Variants in KLHL3 observed in about 807,000 individuals in gnomAD.
The protein encoded by KLHL3 is kelch-like protein 3.
In KLHL3, 19 loss-of-function variants were observed where a neutral mutation model predicts 70.5. The ratio of observed to expected loss-of-function variants is 0.27; its 90% CI spans 0.19 to 0.40. KLHL3 has a LOEUF of 0.40. Ranked by LOEUF, KLHL3 falls within the 10% of genes least tolerant of loss-of-function variation. The pLI is 1.00. For missense variants in KLHL3, 512 were observed against 771.1 expected (o/e 0.66, Z 3.98); for synonymous variants, 258 against 290.3 (o/e 0.89, Z 1.13).
chr5:137,639,166 C>A lies in KLHL3; in HGVS notation c.1022-16G>T, dbSNP rs891203033. 7.4e-6 allele frequency: 12 copies of A among 1,612,544 alleles called. No individual in the cohort carries two copies. Among genetic ancestry groups the A allele is most frequent in the Non-Finnish European group, 9.3e-6 (11 of 1,179,156 alleles). ...AACACCACACCTGAGGCACAGGAAACCAAGACATCAAGGTCAGGTCAGGCG... is the reference window on the plus strand; with the variant it reads ...AACACCACACCTGAGGCACAGGAAAACAAGACATCAAGGTCAGGTCAGGCG... On this transcript the variant is annotated splice_polypyrimidine_tract_variant and intron_variant, in intron 9 of 14. Transcript: ENST00000309755. This position sits in a 1 kb window ranked among gnomAD's most constrained non-coding sequence, Gnocchi z 5.0.
In KLHL3 at chr5:137,639,195, G is replaced by A. The variant is rs1750847359; in HGVS notation, c.1022-45C>T. 2.5e-6 allele frequency: 4 copies of A among 1,578,356 alleles called. No homozygotes were observed. Among genetic ancestry groups the A allele is most frequent in the Non-Finnish European group, 2.6e-6 (3 of 1,153,622 alleles). On this transcript the variant is annotated intron_variant, in intron 9 of 14. Coordinates refer to ENST00000309755, the MANE Select transcript of KLHL3 (RefSeq NM_017415.3). This position sits in a 1 kb window ranked among gnomAD's most constrained non-coding sequence, Gnocchi z 5.0. ...GACATCAAGGTCAGGTCAGGCGCAT[G>A]ACTGCTCATGTTGATGGATGGCAAT... is the stretch of plus-strand genomic sequence containing the variant.
chr5:137,674,518 C>T (rs541152224), intron 6 of KLHL3, among the ~76,000 whole-genome samples: 3 of 152,196 alleles, frequency 2.0e-5, no homozygotes, highest in East Asian at 3.9e-4. Context: ...TATTTTAAGG[C>T]GTATGTGTTT....
At chr5:137,669,964 G>A (rs1466988848) in intron 6 of KLHL3, among the ~76,000 whole-genome samples, 2 of 152,128 alleles carry the variant, frequency 1.3e-5, no homozygotes, top group African/African-American at 4.8e-5. Context: ...TAGGCCACAG[G>A]CTCCTGTGGA....
intron 8 of KLHL3, among the ~76,000 whole-genome samples, chr5:137,653,966 A>G (rs1751275553): frequency 6.6e-6 from 1 of 152,238 alleles, no homozygotes; most frequent in East Asian, 1.9e-4. Flanking sequence ...TCTCAAATGC[A>G]TTATGGTAAG....
At position 137,637,303 on chromosome 5, in the gene KLHL3, C is replaced by T. The variant is rs907779058; in HGVS notation, c.1312G>A (p.Val438Ile). The change falls in exon 11 of 15, where the codon GTT (valine) becomes ATT (isoleucine). Residue 438 changes from valine (V) to isoleucine (I), a missense_variant. By Grantham distance (29) the Val-to-Ile change is conservative. Coordinates refer to ENST00000309755, the MANE Select transcript of KLHL3 (RefSeq NM_017415.3). The stretch of plus-strand genomic sequence containing the variant: ...ACTGCCGCCTCCTTACCCTCCACAA[C>T]GCCCACACCCACACTGCTCCGCCGC... ...NTRRSSVGVG[V>I]VEGKLYAVGG... 1.9e-5 allele frequency: 30 copies of T among 1,613,934 alleles called. No individual in the cohort carries two copies. Among genetic ancestry groups the T allele is most frequent in the African/African-American group, 6.7e-5 (5 of 74,940 alleles).
At chr5:137,727,947 A>G (rs1013596991) in intron 1 of KLHL3, among the ~76,000 whole-genome samples, 2 of 152,180 alleles carry the variant, frequency 1.3e-5, no homozygotes, top group African/African-American at 4.8e-5. Flanking sequence ...AGCTACCAAC[A>G]TGATGCCACC....
At position 137,620,568 on chromosome 5, in the gene KLHL3, C is replaced by T. The variant is rs1056893097; in HGVS notation, c.*1530G>A. 3.3e-5 allele frequency: 5 copies of T among 152,214 alleles called. No homozygotes were observed. Among genetic ancestry groups the T allele is most frequent in the Non-Finnish European group, 7.3e-5 (5 of 68,048 alleles). 9.4% of individuals were successfully genotyped at this position (152,214 alleles called of 1,614,324 possible). On this transcript the variant is annotated 3_prime_UTR_variant, in exon 15 of 15. Coordinates refer to ENST00000309755, the MANE Select transcript of KLHL3 (RefSeq NM_017415.3). ...ACTATTCTCCAGACACAAGACTTCC[C>T]CTGCTTATGCCAGAAATTTCAGCAT...
chr5:137,631,162 C>T (rs900025748), intron 12 of KLHL3, among the ~76,000 whole-genome samples: 12 of 151,910 alleles, frequency 7.9e-5, no homozygotes, highest in African/African-American at 1.7e-4. Flanking sequence ...ACAGTCTTCC[C>T]GCCAGGATCA....
In KLHL3 at chr5:137,634,090, G is replaced by A. The variant is rs775686735; in HGVS notation, c.1397C>T (p.Ala466Val). ...CLSTVEQYNP[A>V]TNEWIYVADM... Reference sequence around the variant, plus strand: ...CGCCACGTATATCCATTCATTGGTCGCTGGGTTGTACTGCTCCACAGTGCT... The same window carrying A: ...CGCCACGTATATCCATTCATTGGTCACTGGGTTGTACTGCTCCACAGTGCT... Residue 466 changes from alanine to valine, a missense_variant, in exon 12 of 15, where the codon GCG becomes GTG. Ala to Val is a moderately conservative substitution (Grantham distance 64). Coordinates refer to ENST00000309755, the MANE Select transcript of KLHL3 (RefSeq NM_017415.3). 15 of 1,614,150 alleles carry A rather than the reference G, an allele frequency of 9.3e-6. No individual in the cohort carries two copies. The highest frequency in any genetic ancestry group is 1.7e-4 in the Middle Eastern group (1 of 6,038).
intron 6 of KLHL3, among the ~76,000 whole-genome samples, chr5:137,665,869 G>GAAGGGA (rs1751602441): frequency 6.6e-6 from 1 of 152,144 alleles, no homozygotes; most frequent in Non-Finnish European, 1.5e-5. Context: ...GGGGAAAGGG[G>GAAGGGA]AAGGGAAAGG....
intron 12 of KLHL3, 124 bp downstream of exon 12, chr5:137,633,913 T>C (rs1750704040): frequency 1.6e-6 from 2 of 1,257,324 alleles, no homozygotes; most frequent in Non-Finnish European, 2.3e-6. Flanking sequence ...ACTCGACCAT[T>C]ATGCAATATA....
chr5:137,729,143 T>C (rs752383695), intron 1 of KLHL3, among the ~76,000 whole-genome samples: 1 of 152,020 alleles, frequency 6.6e-6, no homozygotes, highest in Non-Finnish European at 1.5e-5. Flanking sequence ...AATTCAGAAG[T>C]CATGAGCTGA....
At chr5:137,676,755 A>G (rs575557226) in intron 6 of KLHL3, among the ~76,000 whole-genome samples, 10 of 152,312 alleles carry the variant, frequency 6.6e-5, no homozygotes, top group Non-Finnish European at 1.2e-4. Context: ...TCACATAACT[A>G]ATTTGTAAAT....
intron 14 of KLHL3, among the ~76,000 whole-genome samples, chr5:137,624,369 C>A (rs535049415): frequency 6.6e-6 from 1 of 152,292 alleles, no homozygotes; most frequent in South Asian, 2.1e-4. Context: ...CTCATTAAGG[C>A]ACACATGGAG....
intron 5 of KLHL3, among the ~76,000 whole-genome samples, chr5:137,684,494 C>T (rs907776661): frequency 3.9e-5 from 6 of 152,182 alleles, no homozygotes; most frequent in African/African-American, 1.2e-4. Context: ...TCCATAAGCA[C>T]GTGAAATCCA....
In KLHL3 at chr5:137,628,340, G is replaced by C; in HGVS notation, c.1548C>G (p.Thr516=). The change falls in exon 13 of 15, where the codon ACC becomes ACG. Residue 516 remains threonine, a synonymous_variant. Transcript: ENST00000309755. ...TGTTCATGTCTGCCACTTGCTTCCA[G>C]GTATTTGTTCCAGGATCGTAAACCT... ...SVEVYDPGTN[T]WKQVADMNMC... 7 of 1,614,080 alleles carry C rather than the reference G, an allele frequency of 4.3e-6. No homozygotes were observed. The highest frequency in any genetic ancestry group is 5.9e-6 in the Non-Finnish European group (7 of 1,179,996).
chr5:137,645,759 A>T (rs1751028346), intron 8 of KLHL3, among the ~76,000 whole-genome samples: 1 of 150,326 alleles, frequency 6.7e-6, no homozygotes, highest in Admixed American at 6.7e-5. Flanking sequence ...TGTAATCCTT[A>T]TCAAACTACC....
intron 3 of KLHL3, among the ~76,000 whole-genome samples, chr5:137,701,402 A>C (rs1752564494): frequency 6.6e-6 from 1 of 152,164 alleles, no homozygotes; most frequent in Admixed American, 6.5e-5. Flanking sequence ...CAGGACTGAG[A>C]TTTGAACTTT....
intron 5 of KLHL3, among the ~76,000 whole-genome samples, chr5:137,683,799 C>T (rs1752094530): frequency 6.6e-6 from 1 of 151,600 alleles, no homozygotes; most frequent in Non-Finnish European, 1.5e-5. Flanking sequence ...CACACACATG[C>T]ACGCGCACAC....
Sources: allele counts gnomAD v4.1 joint callset (sites outside exome capture counted in the v4.1 genomes callset), GRCh38; gene constraint gnomAD v4.1.1; non-coding constraint Gnocchi (gnomAD v3.1); transcripts MANE v1.5; gene names NCBI Gene and HGNC (gene_info 2026-07-23, HGNC 2026-07-21).